Variants in RAB40C observed in about 807,000 individuals in gnomAD.
RAB40C encodes the protein RAB40C, member RAS oncogene family.
Under a neutral mutation model 28.1 loss-of-function variants are expected in RAB40C, and 8 were observed. The observed-to-expected ratio is 0.28, with a 90% CI of 0.17 to 0.51. The LOEUF (loss-of-function observed/expected upper bound fraction) is 0.51. Among genes scored for constraint, RAB40C ranks in the 20% least tolerant of loss-of-function variants. RAB40C has a pLI of 0.97. For synonymous variants in RAB40C, 201 were observed against 171.7 expected (o/e 1.17, Z -1.34); for missense variants, 288 against 405.9 (o/e 0.71, Z 2.50).
intron 1 of RAB40C, among the ~76,000 whole-genome samples, chr16:591,328 C>T (rs1444160839): frequency 6.6e-6 from 1 of 151,808 alleles, no homozygotes; most frequent in Non-Finnish European, 1.5e-5. Context: ...CTGGGATCAT[C>T]TGGGGTCCGA....
intron 3 of RAB40C, among the ~76,000 whole-genome samples, chr16:618,472 C>T (rs958756772): frequency 2.0e-5 from 3 of 152,262 alleles, no homozygotes; most frequent in Non-Finnish European, 4.4e-5. Flanking sequence ...TCACTGCAGC[C>T]TCCCCCTCCC....
intron 1 of RAB40C, 132 bp from the exon 2 acceptor site, chr16:617,076 G>A: frequency 1.1e-6 from 1 of 928,466 alleles, no homozygotes; most frequent in Non-Finnish European, 1.7e-6. Flanking sequence ...TGCCCCACTG[G>A]CTGAGTGTGG....
intron 3 of RAB40C, chr16:624,738 C>T (rs981138824): frequency 2.9e-5 from 29 of 985,296 alleles, no homozygotes; most frequent in Non-Finnish European, 3.4e-5. Context: ...TGGGGAGAGG[C>T]GGGCATAGGG....
chr16:597,371 T>G (rs540888986), intron 1 of RAB40C, among the ~76,000 whole-genome samples: 1 of 151,886 alleles, frequency 6.6e-6, no homozygotes, highest in Admixed American at 6.6e-5. Context: ...CAAACCAAAC[T>G]GGGAAGGATT....
intron 1 of RAB40C, among the ~76,000 whole-genome samples, chr16:595,214 T>TTGCC (rs1428635244): frequency 1.3e-5 from 2 of 152,194 alleles, no homozygotes; most frequent in East Asian, 3.8e-4. Context: ...GTGATGAGTG[T>TTGCC]TGCCTGCCAG....
chr16:590,220 G>C lies in RAB40C; in HGVS notation c.-72G>C. On this transcript the variant is annotated 5_prime_UTR_variant, in exon 1 of 6. Transcript: ENST00000248139. The stretch of plus-strand genomic sequence containing the variant: ...CAACGGGCGCAGGTGCGGGGCGCGG[G>C]CTCTCTCACGCCGCGGCCTCACCCG... 1.7e-6 allele frequency: 2 copies of C among 1,165,520 alleles called. No homozygotes were observed. The highest frequency in any genetic ancestry group is 2.1e-6 in the Non-Finnish European group (2 of 931,580). 72.2% of individuals were successfully genotyped at this position (1,165,520 alleles called of 1,614,324 possible).
intron 3 of RAB40C, chr16:624,196 G>T (rs2036779318): frequency 1.0e-6 from 1 of 985,122 alleles, no homozygotes; most frequent in East Asian, 1.1e-4. Context: ...CATGCGGGAG[G>T]TTGCCATGCG....
chr16:617,895 G>T (rs2036620765), intron 2 of RAB40C, among the ~76,000 whole-genome samples: 1 of 152,214 alleles, frequency 6.6e-6, no homozygotes, highest in African/African-American at 2.4e-5. Flanking sequence ...GATGAGACGT[G>T]AATGTCCACA....
At chr16:627,250 C>T in intron 5 of RAB40C, 92 bp from the exon 6 acceptor site, 4 of 1,309,060 alleles carry the variant, frequency 3.1e-6, no homozygotes, top group Non-Finnish European at 4.2e-6. Context: ...AGTGTGGAGA[C>T]CCCGCCAGGC....
At chr16:594,048 C>T (rs4984899) in intron 1 of RAB40C, among the ~76,000 whole-genome samples, 34,125 of 152,030 alleles carry the variant, frequency 0.22, 4,683 homozygotes, top group East Asian at 0.59. Context: ...AGGAACCACC[C>T]GCACAGGGTG....
At position 627,579 on chromosome 16, in the gene RAB40C, G is replaced by GC. The variant is rs1555457247; in HGVS notation, c.811dup (p.Gln271ProfsTer7). On this transcript the variant is annotated frameshift_variant, in exon 6 of 6. Transcript: ENST00000248139. LOFTEE classifies it high-confidence loss of function. Reference sequence around the variant, plus strand: ...TCCAAGTCCATCCGTCCACCCCAGAGCCCCCCCCAGAACTGCTCGCGGAGT... The same window carrying GC: ...TCCAAGTCCATCCGTCCACCCCAGAGCCCCCCCCCAGAACTGCTCGCGGAGT... The GC allele has an allele frequency of 8.3e-5, 134 of 1,607,642 alleles. No individual in the cohort carries two copies. Among genetic ancestry groups the GC allele is most frequent in the Middle Eastern group, 1.7e-4 (1 of 6,034 alleles).
At chr16:608,472 G>T (rs970902255) in intron 1 of RAB40C, among the ~76,000 whole-genome samples, 5 of 152,204 alleles carry the variant, frequency 3.3e-5, no homozygotes, top group African/African-American at 1.2e-4. Flanking sequence ...AACCTGGGAG[G>T]CCCAGGATGC....
chr16:619,356 C>T (rs1017811752), intron 3 of RAB40C, among the ~76,000 whole-genome samples: 5 of 151,938 alleles, frequency 3.3e-5, no homozygotes, highest in Non-Finnish European at 7.4e-5. Flanking sequence ...GTGCACAGGT[C>T]TGGCGGGGGC....
At chr16:611,235 A>G (rs1055885824) in intron 1 of RAB40C, among the ~76,000 whole-genome samples, 1 of 152,184 alleles carries the variant, frequency 6.6e-6, no homozygotes, top group Non-Finnish European at 1.5e-5. Flanking sequence ...CTTTTGCAGC[A>G]GCCATGGCTC....
intron 3 of RAB40C, among the ~76,000 whole-genome samples, chr16:620,132 C>A (rs1004901086): frequency 6.6e-6 from 1 of 152,182 alleles, no homozygotes; most frequent in Non-Finnish European, 1.5e-5. Context: ...CGGTGGTTCA[C>A]GCCTGTAATC....
intron 3 of RAB40C, among the ~76,000 whole-genome samples, chr16:620,249 C>T (rs772590683): frequency 1.6e-4 from 25 of 152,248 alleles, no homozygotes; most frequent in Non-Finnish European, 2.8e-4. Flanking sequence ...AAAAATTAGC[C>T]GAGCATGGTG....
At chr16:616,463 C>G (rs912541276) in intron 1 of RAB40C, among the ~76,000 whole-genome samples, 2 of 151,778 alleles carry the variant, frequency 1.3e-5, no homozygotes, top group African/African-American at 2.4e-5. Flanking sequence ...CTCAGCCTCC[C>G]GAGTAGCTGG....
intron 4 of RAB40C, 45 bp from the exon 5 acceptor site, chr16:625,838 CTGCGGCTGAGGGGTGG>C: frequency 6.8e-7 from 1 of 1,460,472 alleles, no homozygotes; most frequent in Non-Finnish European, 9.4e-7. Flanking sequence ...GCGGGCCCTG[CTGCGGCTGAGGGGTGG>C]GTGGCACCCT....
intron 1 of RAB40C, among the ~76,000 whole-genome samples, chr16:616,373 C>T (rs1241603447): frequency 1.2e-5 from 1 of 82,702 alleles, no homozygotes; most frequent in Non-Finnish European, 2.4e-5. Context: ...TTATTGAGTA[C>T]TGTCACCCAG....
Sources: allele counts gnomAD v4.1 joint callset (sites outside exome capture counted in the v4.1 genomes callset), GRCh38; gene constraint gnomAD v4.1.1; transcripts MANE v1.5; gene names NCBI Gene and HGNC (gene_info 2026-07-23, HGNC 2026-07-21).